NVL: variants seen among roughly 807,000 people sequenced by gnomAD.
NVL encodes nuclear valosin-containing protein-like.
NVL carries 84 observed loss-of-function variants against 110.2 expected under a neutral mutation model. The observed-to-expected ratio is 0.76, with a 90% CI of 0.64 to 0.91. The LOEUF is 0.91. Ranked by LOEUF, NVL falls within the 40% of genes least tolerant of loss-of-function variation. The pLI, the probability that NVL is intolerant of heterozygous loss-of-function variation, is 0.00. For missense variants in NVL, 882 were observed against 1,035.9 expected, an observed-to-expected ratio of 0.85 and a Z score of 2.04; for synonymous variants, 354 against 361.1, an observed-to-expected ratio of 0.98 and a Z score of 0.22.
intron 16 of NVL, among the ~76,000 whole-genome samples, chr1:224,278,226 C>CTTTTTTTTTTTTTTTTTTTTTTTTTT (rs931102981): frequency 9.0e-6 from 1 of 111,132 alleles, no homozygotes; most frequent in Non-Finnish European, 1.8e-5. Flanking sequence ...ATCATCTAAT[C>CTTTTTTTTTTTTTTTTTTTTTTTTTT]TTTTTTTTTT....
intron 18 of NVL, among the ~76,000 whole-genome samples, chr1:224,263,941 G>C (rs1441744587): frequency 7.9e-5 from 12 of 152,152 alleles, no homozygotes. Context: ...CTTGAACCTG[G>C]GAGGCAGAAG....
At chr1:224,294,202 T>C (rs1413837663) in intron 12 of NVL, 65 bp downstream of exon 12, 1 of 1,542,254 alleles carries the variant, frequency 6.5e-7, no homozygotes, top group Non-Finnish European at 8.9e-7. Context: ...TTCTCACCTC[T>C]TACTTTCAAA....
At chr1:224,298,400 T>A (rs1030062514) in intron 10 of NVL, 1 of 170,986 alleles carries the variant, frequency 5.8e-6, no homozygotes, top group Admixed American at 6.3e-5. Context: ...AATCAATGTG[T>A]GCGAGAATCA....
rs189328860 is a variant in NVL, at chr1:224,292,176, G to A, written c.1325+2091C>T. ...GCTTTTGAAGTACAGGATGATATCC[G>A]GAGGATCACTTGAGGGCAGGAGTTC... On this transcript the variant is annotated intron_variant, in intron 12 of 22. Transcript: ENST00000281701. Among the ~76,000 whole-genome samples, 4 of 152,254 alleles carry A rather than the reference G, an allele frequency of 2.6e-5. No individual in the cohort carries two copies. In the East Asian group the frequency reaches 7.7e-4, roughly 29 times the overall value.
chr1:224,326,833 T>C (rs1336922592), intron 1 of NVL, among the ~76,000 whole-genome samples: 1 of 152,226 alleles, frequency 6.6e-6, no homozygotes, highest in Non-Finnish European at 1.5e-5. Context: ...TGTCAGATAC[T>C]GCAGAACTAC....
chr1:224,233,067 C>T, intron 21 of NVL, 134 bp downstream of exon 21: 1 of 666,498 alleles, frequency 1.5e-6, no homozygotes, highest in Non-Finnish European at 2.5e-6. Context: ...TTCAGAACAG[C>T]TTCTAACAGT....
chr1:224,307,225 T>A (rs1257454099), intron 6 of NVL, among the ~76,000 whole-genome samples: 1 of 152,182 alleles, frequency 6.6e-6, no homozygotes. Context: ...TAAATTTTCA[T>A]GGGAAACACC....
chr1:224,244,745 T>C (rs1022584912), intron 19 of NVL, among the ~76,000 whole-genome samples: 6 of 151,614 alleles, frequency 4.0e-5, no homozygotes, highest in African/African-American at 1.5e-4. Flanking sequence ...TGGAGTGCAG[T>C]GGCGTAATCT....
intron 18 of NVL, among the ~76,000 whole-genome samples, chr1:224,251,396 C>T (rs914744399): frequency 2.6e-5 from 4 of 151,248 alleles, no homozygotes; most frequent in Non-Finnish European, 5.9e-5. Flanking sequence ...TACATCTCTT[C>T]GGCTATGCAT....
At chr1:224,295,452 G>A (rs1352651237) in intron 11 of NVL, among the ~76,000 whole-genome samples, 3 of 151,708 alleles carry the variant, frequency 2.0e-5, no homozygotes, top group African/African-American at 4.8e-5. Flanking sequence ...CACCCACCTC[G>A]GCCTCCCAAA....
At chr1:224,328,895 A>T (rs1408495591) in intron 1 of NVL, among the ~76,000 whole-genome samples, 1 of 152,086 alleles carries the variant, frequency 6.6e-6, no homozygotes, top group Non-Finnish European at 1.5e-5. Flanking sequence ...TGGACTGGAG[A>T]TATAAAGTTA....
intron 21 of NVL, among the ~76,000 whole-genome samples, chr1:224,231,918 C>G (rs1203501781): frequency 1.3e-5 from 2 of 151,904 alleles, no homozygotes; most frequent in Admixed American, 1.3e-4. Context: ...GTCCCAGCTA[C>G]TCGGGAAGCT....
chr1:224,299,086 C>G (rs187597005), intron 10 of NVL, among the ~76,000 whole-genome samples: 2 of 152,128 alleles, frequency 1.3e-5, no homozygotes, highest in Non-Finnish European at 1.5e-5. Context: ...CTGTCAGCGT[C>G]GCTTAAGGCA....
At chr1:224,277,313 C>CA (rs1275477648) in intron 16 of NVL, among the ~76,000 whole-genome samples, 1 of 152,126 alleles carries the variant, frequency 6.6e-6, no homozygotes, top group Non-Finnish European at 1.5e-5. Flanking sequence ...AAACAGTGTA[C>CA]AAATATAGTA....
At chr1:224,324,243 CT>C (rs1472984226) in intron 2 of NVL, among the ~76,000 whole-genome samples, 1 of 152,092 alleles carries the variant, frequency 6.6e-6, no homozygotes, top group Non-Finnish European at 1.5e-5. Flanking sequence ...ATGTAATAAT[CT>C]TATGGGATCA....
At chr1:224,279,926 C>T (rs6701706) in intron 16 of NVL, among the ~76,000 whole-genome samples, 1,744 of 152,204 alleles carry the variant, frequency 0.011, 39 homozygotes, top group African/African-American at 0.039. Context: ...TCAAGTGATC[C>T]TCTTGCCTCA....
At chr1:224,317,336 A>G (rs997021125) in intron 4 of NVL, among the ~76,000 whole-genome samples, 1 of 152,188 alleles carries the variant, frequency 6.6e-6, no homozygotes, top group Non-Finnish European at 1.5e-5. Context: ...AATAATTTCA[A>G]TGCCGTATGA....
chr1:224,245,694 A>G (rs2102741494), intron 19 of NVL, among the ~76,000 whole-genome samples: 1 of 151,756 alleles, frequency 6.6e-6, no homozygotes, highest in South Asian at 2.1e-4. Context: ...GGTGGCTCAC[A>G]CCTGTAATCC....
intron 8 of NVL, 152 bp from the exon 9 acceptor site, chr1:224,304,009 C>A: frequency 1.3e-6 from 1 of 790,474 alleles, no homozygotes; most frequent in Non-Finnish European, 1.8e-6. Context: ...CTGGTACCTA[C>A]TGTGTGATTT....
Sources: gnomAD v4.1 joint callset for allele counts (sites outside exome capture counted in the v4.1 genomes callset) on GRCh38, gnomAD v4.1.1 for gene constraint, MANE v1.5 for transcripts, NCBI Gene and HGNC (gene_info 2026-07-23, HGNC 2026-07-21) for gene names.